The following TRPC7 variants were observed in gnomAD, a reference collection of about 807,000 sequenced individuals.
TRPC7 encodes the protein transient receptor potential cation channel subfamily C member 7.
Under a neutral mutation model 90.1 loss-of-function variants are expected in TRPC7, and 42 were observed. The ratio of observed to expected loss-of-function variants is 0.47; its 90% CI spans 0.36 to 0.60. The LOEUF is 0.60. Ranked by LOEUF, TRPC7 falls within the 20% of genes least tolerant of loss-of-function variation. The pLI, the probability that TRPC7 is intolerant of heterozygous loss-of-function variation, is 0.00. For synonymous variants in TRPC7, 451 were observed against 436.3 expected (o/e 1.03, Z -0.42); for missense variants, 955 against 1,112.3 (o/e 0.86, Z 2.01).
intron 3 of TRPC7, among the ~76,000 whole-genome samples, chr5:136,299,254 T>C (rs1368140872): frequency 6.7e-6 from 1 of 148,644 alleles, no homozygotes; most frequent in African/African-American, 2.5e-5. Flanking sequence ...TGAGCTGAGA[T>C]CACACCATTG....
chr5:136,277,425 T>C (rs1757400130), intron 3 of TRPC7, among the ~76,000 whole-genome samples: 1 of 152,248 alleles, frequency 6.6e-6, no homozygotes, highest in Non-Finnish European at 1.5e-5. Context: ...GAAGCCCAAA[T>C]TGGTGTTTAC....
At chr5:136,214,747 G>C (rs976145061) in intron 11 of TRPC7, among the ~76,000 whole-genome samples, 11 of 152,102 alleles carry the variant, frequency 7.2e-5, no homozygotes, top group African/African-American at 2.7e-4. Context: ...CTGCATGCTG[G>C]GTGCCCCAGG....
intron 3 of TRPC7, among the ~76,000 whole-genome samples, chr5:136,308,257 T>G (rs1303326180): frequency 6.6e-6 from 1 of 152,216 alleles, no homozygotes; most frequent in Non-Finnish European, 1.5e-5. Flanking sequence ...ATTGATCACT[T>G]TTGTGGCATG....
At chr5:136,316,036 T>C in intron 2 of TRPC7, 1 of 448,390 alleles carries the variant, frequency 2.2e-6, no homozygotes. Flanking sequence ...CAGAGTCACC[T>C]TAGCTGCGTG....
At chr5:136,299,340 CGTGTGTGTGTGTGTGTGTGT>C (rs529330866) in intron 3 of TRPC7, among the ~76,000 whole-genome samples, 1 of 122,688 alleles carries the variant, frequency 8.2e-6, no homozygotes, top group Non-Finnish European at 1.7e-5. Context: ...GGGGTGTGTG[CGTGTGTGTGTGTGTGTGTGT>C]GTGTGTGTGT....
chr5:136,291,167 G>C (rs1367796273), intron 3 of TRPC7, among the ~76,000 whole-genome samples: 1 of 152,174 alleles, frequency 6.6e-6, no homozygotes, highest in Non-Finnish European at 1.5e-5. Context: ...GGAACAACTG[G>C]TACCAGCCAC....
chr5:136,341,748 C>T (rs997893875), intron 2 of TRPC7, among the ~76,000 whole-genome samples: 2 of 152,140 alleles, frequency 1.3e-5, no homozygotes, highest in Non-Finnish European at 2.9e-5. Flanking sequence ...AAGGAGAAAC[C>T]AAACTCTTGG....
In TRPC7 at chr5:136,306,435, C is replaced by T. The variant is rs576195174; in HGVS notation, c.963+9162G>A. On this transcript the variant is annotated intron_variant, in intron 3 of 11. Coordinates refer to ENST00000513104, the MANE Select transcript of TRPC7 (RefSeq NM_020389.3). ...TCTCCCACTTTAGTTGCCCATGCCA[C>T]CTAATCCCGCTTGAAGCAGCCCTGA... 1.9e-3 allele frequency among the ~76,000 whole-genome samples: 295 copies of T among 152,284 alleles called. 1 individual carries two copies. The highest frequency in any genetic ancestry group is 6.5e-3 in the African/African-American group (268 of 41,546).
intron 1 of TRPC7, among the ~76,000 whole-genome samples, chr5:136,358,949 C>A (rs1470485196): frequency 6.6e-6 from 1 of 152,090 alleles, no homozygotes; most frequent in Non-Finnish European, 1.5e-5. Flanking sequence ...TCTATGGTCC[C>A]AGAGAATTGT....
At chr5:136,277,565 T>G (rs553043618) in intron 3 of TRPC7, among the ~76,000 whole-genome samples, 1 of 151,914 alleles carries the variant, frequency 6.6e-6, no homozygotes, top group Non-Finnish European at 1.5e-5. Context: ...AGGATGAGAG[T>G]AGCAAATGAA....
intron 3 of TRPC7, among the ~76,000 whole-genome samples, chr5:136,275,696 C>A (rs1033960629): frequency 6.6e-6 from 1 of 152,164 alleles, no homozygotes; most frequent in African/African-American, 2.4e-5. Context: ...CTGCCCTCAC[C>A]CCTGGATTCA....
Position 136,356,952 on chromosome 5 carries a change from G to A in TRPC7, c.436C>T (p.Leu146=), listed in dbSNP as rs774558089. ...TAGGCATAGAAGTCGTCGTCGCGCA[G>A]CTCCTGTTCCAGCGGGCTGAGCGTC... The part of the protein sequence containing the change: ...RLTLSPLEQE[L]RDDDFYAYDE... The change falls in exon 2 of 12, where the codon CTG becomes TTG. Residue 146 remains leucine, a synonymous_variant. Transcript: ENST00000513104. 4 of 1,612,716 alleles carry A rather than the reference G, an allele frequency of 2.5e-6. No individual in the cohort carries two copies. In the African/African-American group the frequency reaches 5.3e-5, roughly 22 times the overall value.
chr5:136,258,645 A>G (rs188296614), intron 5 of TRPC7, among the ~76,000 whole-genome samples: 111 of 152,372 alleles, frequency 7.3e-4, no homozygotes, highest in Non-Finnish European at 1.0e-3. Context: ...TCTTATAGGC[A>G]GGTTCTGAGT....
chr5:136,229,720 A>AT (rs1755756831), intron 8 of TRPC7, among the ~76,000 whole-genome samples: 1 of 152,176 alleles, frequency 6.6e-6, no homozygotes, highest in African/African-American at 2.4e-5. Flanking sequence ...AGTCTGTGGT[A>AT]TTTTTTAGGA....
chr5:136,263,419 C>T (rs1363918916), intron 5 of TRPC7, among the ~76,000 whole-genome samples: 2 of 152,100 alleles, frequency 1.3e-5, no homozygotes, highest in African/African-American at 2.4e-5. Context: ...CATCATTCAA[C>T]CAAAAAATTA....
intron 7 of TRPC7, among the ~76,000 whole-genome samples, chr5:136,245,049 C>G (rs1392324586): frequency 1.3e-5 from 2 of 152,206 alleles, no homozygotes; most frequent in Non-Finnish European, 2.9e-5. Flanking sequence ...CTTATTGGAT[C>G]CTTACAACAA....
At chr5:136,284,008 T>G (rs1757631359) in intron 3 of TRPC7, among the ~76,000 whole-genome samples, 1 of 152,212 alleles carries the variant, frequency 6.6e-6, no homozygotes, top group South Asian at 2.1e-4. Flanking sequence ...ACTTCTGTCC[T>G]CTTGGTGCTA....
chr5:136,332,954 G>A (rs1045672383), intron 2 of TRPC7, among the ~76,000 whole-genome samples: 3 of 152,188 alleles, frequency 2.0e-5, no homozygotes, highest in Non-Finnish European at 4.4e-5. Context: ...TGTCCTTCGA[G>A]GAGCTGCTGA....
At chr5:136,288,275 C>A (rs1372328286) in intron 3 of TRPC7, among the ~76,000 whole-genome samples, 1 of 152,102 alleles carries the variant, frequency 6.6e-6, no homozygotes, top group Non-Finnish European at 1.5e-5. Context: ...CAAATTCATA[C>A]TGTTTATGCC....
Sources: gnomAD v4.1 joint callset for allele counts (sites outside exome capture counted in the v4.1 genomes callset) on GRCh38, gnomAD v4.1.1 for gene constraint, MANE v1.5 for transcripts, NCBI Gene and HGNC (gene_info 2026-07-23, HGNC 2026-07-21) for gene names.